Variants in DNAH14 observed in about 807,000 individuals in gnomAD.
The protein encoded by DNAH14 is axonemal beta dynein heavy chain 14.
In DNAH14, 478 loss-of-function variants were observed where a neutral mutation model predicts 520.9. The observed-to-expected ratio is 0.92, with a 90% CI of 0.85 to 0.99. The LOEUF is 0.99. DNAH14 is among the 50% of genes least tolerant of loss of function. DNAH14 has a pLI of 0.00. For synonymous variants in DNAH14, 1,581 were observed against 1,757.2 expected (o/e 0.90, Z 2.51); for missense variants, 4,831 against 5,234.5 (o/e 0.92, Z 2.38).
At chr1:225,230,735 ATGAG>A (rs1315991962) in intron 41 of DNAH14, among the ~76,000 whole-genome samples, 2 of 152,118 alleles carry the variant, frequency 1.3e-5, no homozygotes, top group Non-Finnish European at 2.9e-5. Context: ...TTAGCTTGTA[ATGAG>A]TACCATATTT....
intron 61 of DNAH14, 100 bp from the exon 62 acceptor site, chr1:225,322,564 A>G: frequency 8.5e-7 from 1 of 1,171,998 alleles, no homozygotes; most frequent in Non-Finnish European, 1.1e-6. Flanking sequence ...CCTTATCCAA[A>G]TGTGTGTTAA....
intron 19 of DNAH14, among the ~76,000 whole-genome samples, chr1:225,081,640 A>G (rs1395813373): frequency 6.6e-6 from 1 of 152,182 alleles, no homozygotes; most frequent in Admixed American, 6.5e-5. Context: ...AAAACATATT[A>G]CTATTTAATA....
chr1:225,009,729 A>G (rs1360886815), intron 10 of DNAH14, among the ~76,000 whole-genome samples: 1 of 152,176 alleles, frequency 6.6e-6, no homozygotes, highest in African/African-American at 2.4e-5. Flanking sequence ...GATTCTTCCT[A>G]TCCATGAGCA....
intron 1 of DNAH14, among the ~76,000 whole-genome samples, chr1:224,947,571 T>A (rs1312142248): frequency 6.6e-6 from 1 of 152,146 alleles, no homozygotes; most frequent in Non-Finnish European, 1.5e-5. Context: ...ACATTTCTGC[T>A]TTAATCTTTA....
chr1:225,078,811 T>C (rs866770157), intron 17 of DNAH14, among the ~76,000 whole-genome samples: 2,156 of 39,780 alleles, frequency 0.054, 17 homozygotes, highest in Middle Eastern at 0.1. Context: ...TCTCTCTCTC[T>C]CTCTCTCTCT....
At chr1:225,351,317 G>C (rs1360658201) in intron 71 of DNAH14, among the ~76,000 whole-genome samples, 1 of 152,080 alleles carries the variant, frequency 6.6e-6, no homozygotes, top group Non-Finnish European at 1.5e-5. Flanking sequence ...CTTGGAACCG[G>C]GAAGCAAATG....
At chr1:225,080,300 A>G (rs908004696) in intron 18 of DNAH14, 79 bp from the exon 19 acceptor site, 4 of 1,362,940 alleles carry the variant, frequency 2.9e-6, no homozygotes, top group Non-Finnish European at 3.9e-6. Context: ...ATTATATACT[A>G]AAATGCTTTC....
At chr1:225,272,419 A>G (rs753289788) in intron 51 of DNAH14, among the ~76,000 whole-genome samples, 14 of 152,352 alleles carry the variant, frequency 9.2e-5, no homozygotes, top group South Asian at 2.1e-4. Flanking sequence ...ACATGCTTGA[A>G]TTTTAACAGA....
chr1:224,998,663 T>C (rs1196519814), intron 8 of DNAH14, among the ~76,000 whole-genome samples: 1 of 152,268 alleles, frequency 6.6e-6, no homozygotes, highest in East Asian at 1.9e-4. Context: ...GTTGTTGTTG[T>C]TGTTGTTGTT....
intron 52 of DNAH14, among the ~76,000 whole-genome samples, chr1:225,273,492 T>C (rs896885573): frequency 6.6e-6 from 1 of 152,234 alleles, no homozygotes; most frequent in African/African-American, 2.4e-5. Flanking sequence ...AAAAATGTTG[T>C]TTCATGAAAG....
chr1:225,231,141 A>G lies in DNAH14; in HGVS notation c.6508A>G (p.Ile2170Val). The G allele has an allele frequency of 6.5e-7, 1 of 1,543,310 alleles. No individual in the cohort carries two copies. The highest frequency in any genetic ancestry group is 1.2e-5 in the South Asian group (1 of 82,448). Residue 2170 changes from isoleucine (I) to valine (V), a missense_variant, in exon 42 of 86, where the codon ATA becomes GTA. Transcript: ENST00000682510. ...AAGAGAGTCTGTCACATTCAAGGAT[A>G]TAGAAAAGAGGTCAGTTACATTCCT... is the stretch of plus-strand genomic sequence containing the variant. ...SQRESVTFKD[I>V]EKRDENTWYP... is the part of the protein sequence containing the mutation.
chr1:225,021,100 C>T (rs182266250), intron 10 of DNAH14, among the ~76,000 whole-genome samples: 26 of 152,258 alleles, frequency 1.7e-4, no homozygotes, highest in African/African-American at 6.0e-4. Flanking sequence ...ATTCAACATC[C>T]CTGCATGTTA....
At chr1:225,092,599 A>T (rs1219429542) in intron 21 of DNAH14, among the ~76,000 whole-genome samples, 1 of 152,072 alleles carries the variant, frequency 6.6e-6, no homozygotes, top group East Asian at 1.9e-4. Flanking sequence ...TTAACAACCT[A>T]ACAACACAAC....
At chr1:225,332,577 G>GT (rs1157547526) in intron 65 of DNAH14, among the ~76,000 whole-genome samples, 2 of 152,112 alleles carry the variant, frequency 1.3e-5, no homozygotes, top group Non-Finnish European at 2.9e-5. Flanking sequence ...GTCAAATGAA[G>GT]TTTTCAAAGT....
chr1:225,007,910 A>T (rs2064309971), intron 10 of DNAH14, among the ~76,000 whole-genome samples: 1 of 146,318 alleles, frequency 6.8e-6, no homozygotes, highest in Non-Finnish European at 1.5e-5. Context: ...CAGCCTGAGG[A>T]TGTACATTTC....
chr1:225,212,354 C>T lies in DNAH14; in HGVS notation c.6439+5134C>T, dbSNP rs946471083. ...AACTCTTTGAGATTGTGAATAGTGC[C>T]GCAATAAACATACGTGTGCATGTGT... is the stretch of plus-strand genomic sequence containing the variant. On this transcript the variant is annotated intron_variant, in intron 41 of 85. Transcript: ENST00000682510. Among the ~76,000 whole-genome samples, 19 of 151,900 alleles carry T rather than the reference C, an allele frequency of 1.3e-4. 1 individual carries two copies. Among genetic ancestry groups the T allele is most frequent in the Non-Finnish European group, 2.2e-4 (15 of 67,996 alleles).
At chr1:225,134,439 A>G (rs550673840) in intron 27 of DNAH14, among the ~76,000 whole-genome samples, 14 of 152,042 alleles carry the variant, frequency 9.2e-5, no homozygotes, top group Admixed American at 7.9e-4. Flanking sequence ...ACATGAAGAG[A>G]TGTTGAATTT....
At chr1:225,341,680 A>G (rs1188344979) in intron 69 of DNAH14, among the ~76,000 whole-genome samples, 1 of 152,198 alleles carries the variant, frequency 6.6e-6, no homozygotes, top group Non-Finnish European at 1.5e-5. Flanking sequence ...AACAAACAAA[A>G]AAAGCTTTTA....
intron 23 of DNAH14, among the ~76,000 whole-genome samples, chr1:225,114,815 TTCTC>T (rs1472704230): frequency 6.6e-6 from 1 of 152,122 alleles, no homozygotes; most frequent in Non-Finnish European, 1.5e-5. Context: ...AGCACACTCA[TTCTC>T]TCTCTGTGCC....
Sources: allele counts gnomAD v4.1 joint callset (sites outside exome capture counted in the v4.1 genomes callset), GRCh38; gene constraint gnomAD v4.1.1; transcripts MANE v1.5; gene names NCBI Gene and HGNC (gene_info 2026-07-23, HGNC 2026-07-21).